Variants in FAF1 observed in about 807,000 individuals in gnomAD.
The protein encoded by FAF1 is FAS-associated factor 1.
In FAF1, 25 loss-of-function variants were observed where a neutral mutation model predicts 92.5. That is an observed-to-expected ratio of 0.27 (90% confidence interval 0.20 to 0.38). The LOEUF (loss-of-function observed/expected upper bound fraction) is 0.38. FAF1 is among the 10% of genes least tolerant of loss of function. The pLI, the probability that FAF1 is intolerant of heterozygous loss-of-function variation, is 1.00. For synonymous variants in FAF1, 234 were observed against 273.2 expected, an observed-to-expected ratio of 0.86 and a Z score of 1.42; for missense variants, 636 against 793.3, an observed-to-expected ratio of 0.80 and a Z score of 2.38.
chr1:50,851,293 G>A (rs1205960033), intron 2 of FAF1, among the ~76,000 whole-genome samples: 2 of 152,066 alleles, frequency 1.3e-5, no homozygotes, highest in Admixed American at 1.3e-4. Context: ...TGTTGACCAG[G>A]CTGGTCTCAA....
intron 2 of FAF1, among the ~76,000 whole-genome samples, chr1:50,839,744 T>C (rs1644240995): frequency 2.0e-5 from 3 of 152,092 alleles, no homozygotes; most frequent in Admixed American, 6.5e-5. Flanking sequence ...TATCTGGACA[T>C]GCCACACTGA....
intron 1 of FAF1, among the ~76,000 whole-genome samples, chr1:50,885,993 C>T (rs1210175176): frequency 1.3e-5 from 2 of 152,028 alleles, no homozygotes; most frequent in South Asian, 2.1e-4. Context: ...TAACATCAGC[C>T]CCCCTCTTTT....
chr1:50,514,993 T>G (rs904357570), intron 15 of FAF1, among the ~76,000 whole-genome samples: 1 of 152,162 alleles, frequency 6.6e-6, no homozygotes, highest in African/African-American at 2.4e-5. Flanking sequence ...TAATCAAGTC[T>G]CCTAACTTCC....
intron 2 of FAF1, among the ~76,000 whole-genome samples, chr1:50,807,379 G>T (rs941263655): frequency 6.6e-6 from 1 of 152,234 alleles, no homozygotes; most frequent in Admixed American, 6.5e-5. Flanking sequence ...GAAACTTACA[G>T]TAATGCCGGT....
At chr1:50,907,028 G>A (rs992561876) in intron 1 of FAF1, among the ~76,000 whole-genome samples, 3 of 152,148 alleles carry the variant, frequency 2.0e-5, no homozygotes, top group African/African-American at 7.2e-5. Context: ...GTCATAAATA[G>A]CTCTTATTAT....
At chr1:50,639,050 A>G (rs894905468) in intron 8 of FAF1, among the ~76,000 whole-genome samples, 1 of 152,112 alleles carries the variant, frequency 6.6e-6, no homozygotes, top group East Asian at 1.9e-4. Flanking sequence ...GTTTTTCCAC[A>G]TTTCATAAAT....
At chr1:50,757,526 C>A (rs1364083847) in intron 4 of FAF1, among the ~76,000 whole-genome samples, 1 of 152,164 alleles carries the variant, frequency 6.6e-6, no homozygotes, top group African/African-American at 2.4e-5. Flanking sequence ...TCATAATATT[C>A]TTTGTCCAGA....
intron 9 of FAF1, among the ~76,000 whole-genome samples, chr1:50,594,575 T>A (rs1651696099): frequency 6.9e-6 from 1 of 145,922 alleles, no homozygotes; most frequent in Non-Finnish European, 1.5e-5. Flanking sequence ...TTCTTTAGGC[T>A]TGGGCCAGGC....
chr1:50,447,609 A>G (rs752978455), intron 18 of FAF1, among the ~76,000 whole-genome samples: 1 of 152,120 alleles, frequency 6.6e-6, no homozygotes, highest in Non-Finnish European at 1.5e-5. Context: ...GAATAGCCTG[A>G]CTCTCAGGAG....
At chr1:50,458,334 T>C (rs944705612) in intron 18 of FAF1, among the ~76,000 whole-genome samples, 11 of 152,254 alleles carry the variant, frequency 7.2e-5, no homozygotes, top group Non-Finnish European at 1.5e-4. Flanking sequence ...GAATCAAATA[T>C]TGATATTGAC....
At chr1:50,536,112 A>C (rs1393382815) in intron 14 of FAF1, among the ~76,000 whole-genome samples, 1 of 152,186 alleles carries the variant, frequency 6.6e-6, no homozygotes, top group African/African-American at 2.4e-5. Context: ...TCTGAAAAAA[A>C]GATTTCTTTT....
chr1:50,501,901 T>C (rs911292083), intron 15 of FAF1, among the ~76,000 whole-genome samples: 19 of 152,190 alleles, frequency 1.2e-4, no homozygotes, highest in African/African-American at 4.3e-4. Context: ...ATATAAAATG[T>C]GTACACAAAT....
intron 9 of FAF1, among the ~76,000 whole-genome samples, chr1:50,585,497 A>T (rs1385551166): frequency 6.6e-6 from 1 of 152,224 alleles, no homozygotes; most frequent in Non-Finnish European, 1.5e-5. Context: ...TATTAAAAAC[A>T]TCTGCTTCAA....
At chr1:50,497,878 T>C (rs1377312393) in intron 15 of FAF1, among the ~76,000 whole-genome samples, 1 of 152,050 alleles carries the variant, frequency 6.6e-6, no homozygotes, top group Non-Finnish European at 1.5e-5. Flanking sequence ...ATTGACTGTA[T>C]CTCAATGCCA....
chr1:50,785,010 C>T (rs1040319639), intron 4 of FAF1, among the ~76,000 whole-genome samples: 2 of 151,674 alleles, frequency 1.3e-5, no homozygotes, highest in African/African-American at 4.8e-5. Flanking sequence ...AACCTCATAA[C>T]ATACACAAAC....
intron 6 of FAF1, among the ~76,000 whole-genome samples, chr1:50,711,235 T>C (rs1326339453): frequency 1.3e-5 from 2 of 152,112 alleles, no homozygotes; most frequent in Non-Finnish European, 2.9e-5. Flanking sequence ...GCACATAAGT[T>C]ATAAGGTGAG....
intron 1 of FAF1, among the ~76,000 whole-genome samples, chr1:50,911,911 C>G (rs191363558): frequency 6.6e-6 from 1 of 151,862 alleles, no homozygotes; most frequent in African/African-American, 2.4e-5. Flanking sequence ...GTGGCATGCC[C>G]CTGTAGTCCC....
At chr1:50,443,668 G>A (rs1413220763) in intron 18 of FAF1, among the ~76,000 whole-genome samples, 1 of 152,116 alleles carries the variant, frequency 6.6e-6, no homozygotes, top group Non-Finnish European at 1.5e-5. Flanking sequence ...CTGTAAAATG[G>A]GAATCATAGT....
intron 7 of FAF1, 21 bp from the exon 8 acceptor site, chr1:50,655,549 G>A (rs764800936): frequency 7.5e-6 from 11 of 1,459,166 alleles, no homozygotes; most frequent in African/African-American, 5.6e-5. Context: ...AAAGAAACAG[G>A]ACAATTAAAA....
Sources: gnomAD v4.1 joint callset for allele counts (sites outside exome capture counted in the v4.1 genomes callset) on GRCh38, gnomAD v4.1.1 for gene constraint, MANE v1.5 for transcripts, NCBI Gene and HGNC (gene_info 2026-07-23, HGNC 2026-07-21) for gene names.